Variants in DMD observed in about 807,000 individuals in gnomAD.
The protein encoded by DMD is dystrophin, also known as mutant dystrophin.
In DMD, 63 loss-of-function variants were observed where a neutral mutation model predicts 330.1. The observed-to-expected ratio is 0.19, with a 90% CI of 0.16 to 0.24. The LOEUF (loss-of-function observed/expected upper bound fraction) is 0.24. Ranked by LOEUF, DMD falls within the 10% of genes least tolerant of loss-of-function variation. The probability of loss-of-function intolerance (pLI) is 1.00; values close to 1 mark genes in which losing one functional copy is unlikely to be tolerated. For missense variants in DMD, 3,344 were observed against 2,684.1 expected (o/e 1.25, Z -5.43); for synonymous variants, 1,223 against 959.8 (o/e 1.27, Z -5.07).
At chrX:32,257,755 G>A (rs144783600) in intron 43 of DMD, among the ~76,000 whole-genome samples, 4 of 111,366 alleles carry the variant, frequency 3.6e-5, no homozygotes, top group African/African-American at 6.5e-5. Context: ...ACACAAGTAC[G>A]GGGAAAGACT....
chrX:31,830,557 G>A lies in DMD; in HGVS notation c.7200+6161C>T, dbSNP rs867594600. 2.3e-4 allele frequency among the ~76,000 whole-genome samples: 26 copies of A among 111,116 alleles called. 1 individual carries two copies. Among genetic ancestry groups the A allele is most frequent in the African/African-American group, 8.5e-4 (26 of 30,574 alleles). ...TGCGGTGAGCCGAGATCGCGCCACC[G>A]CACTCCAGCCTGGGCAACAAGAGCG... On this transcript the variant is annotated intron_variant, in intron 49 of 78. Coordinates refer to ENST00000357033, the MANE Select transcript of DMD (RefSeq NM_004006.3).
intron 41 of DMD, among the ~76,000 whole-genome samples, chrX:32,333,493 A>G (rs1392180788): frequency 1.8e-5 from 2 of 111,693 alleles, no homozygotes; most frequent in African/African-American, 6.5e-5. Flanking sequence ...AAGGAAATAC[A>G]GCAGTATTTA....
intron 1 of DMD, among the ~76,000 whole-genome samples, chrX:33,063,814 AG>A (rs1257427230): frequency 1.8e-5 from 2 of 110,786 alleles, no homozygotes; most frequent in Non-Finnish European, 3.8e-5. Flanking sequence ...TGAAAATTGC[AG>A]TCCTAGATGA....
chrX:31,875,255 A>G lies in DMD; in HGVS notation c.7031T>C (p.Leu2344Ser). Reference protein sequence around the residue: ...EEQLNHLLLWLSPIRNQLEIY... With the variant: ...EEQLNHLLLWSSPIRNQLEIY... ...TTCCAACTGATTCCTAATAGGAGAT[A>G]ACCACAGCAGCAGATGATTTAACTG... The change falls in exon 48 of 79, where the codon TTA becomes TCA. Residue 2344 changes from leucine (L) to serine (S), a missense_variant. Coordinates refer to ENST00000357033, the MANE Select transcript of DMD (RefSeq NM_004006.3). 8.3e-7 allele frequency: 1 copy of G among 1,208,208 alleles called. No individual in the cohort carries two copies. Among genetic ancestry groups the G allele is most frequent in the Non-Finnish European group, 1.1e-6 (1 of 893,461 alleles).
rs185876149 is a variant in DMD, at chrX:32,542,481, C to A, written c.2168+2678G>T. 2.7e-4 allele frequency among the ~76,000 whole-genome samples: 30 copies of A among 111,686 alleles called. No individual in the cohort carries two copies. The East Asian group carries it at 7.9e-3, about 29-fold the overall frequency. ...AAGAGATGGATCTGTGTGATACTCC[C>A]ATAGGAATAAGGCAGAAGGAATAAA... On this transcript the variant is annotated intron_variant, in intron 17 of 78. Transcript: ENST00000357033.
At chrX:31,661,948 T>C (rs1183979041) in intron 53 of DMD, among the ~76,000 whole-genome samples, 2 of 111,974 alleles carry the variant, frequency 1.8e-5, no homozygotes, top group African/African-American at 6.5e-5. Context: ...TGAGTATTTT[T>C]TTCTACTTTA....
At chrX:32,746,020 C>A (rs2069959807) in intron 7 of DMD, among the ~76,000 whole-genome samples, 1 of 112,018 alleles carries the variant, frequency 8.9e-6, no homozygotes, top group Admixed American at 9.5e-5. Flanking sequence ...GAAGTAACTA[C>A]CATTTTCACC....
At chrX:32,051,253 T>A (rs1479581386) in intron 44 of DMD, among the ~76,000 whole-genome samples, 1 of 110,807 alleles carries the variant, frequency 9.0e-6, no homozygotes, top group African/African-American at 3.3e-5. Context: ...TCTGTAATTA[T>A]GAAGAGACAA....
chrX:33,229,879 T>C (rs1216574561), intron 1 of DMD, among the ~76,000 whole-genome samples: 1 of 112,257 alleles, frequency 8.9e-6, no homozygotes, highest in Non-Finnish European at 1.9e-5. Context: ...CCATGTTGAG[T>C]ATTCCAATCC....
intron 47 of DMD, among the ~76,000 whole-genome samples, chrX:31,925,797 A>G (rs1232734963): frequency 1.9e-5 from 2 of 106,445 alleles, no homozygotes; most frequent in Admixed American, 1.0e-4. Flanking sequence ...GCTTGAACCC[A>G]GGAGACAGAG....
intron 67 of DMD, 84 bp from the exon 68 acceptor site, chrX:31,182,988 C>T (rs746638207): frequency 1.6e-5 from 13 of 809,753 alleles, no homozygotes; most frequent in African/African-American, 4.2e-5. Context: ...TATATCAGTT[C>T]GATTAATAAG....
chrX:33,024,541 T>A (rs1413330390), intron 1 of DMD, among the ~76,000 whole-genome samples: 1 of 112,307 alleles, frequency 8.9e-6, no homozygotes, highest in African/African-American at 3.2e-5. Context: ...ATAAAAATTG[T>A]ATTTCCTCTC....
rs145895305 is a variant in DMD at position 33,106,271 on chromosome X, G to T, written c.32-86071C>A. Among the ~76,000 whole-genome samples the T allele has an allele frequency of 2.2e-4, 24 of 110,547 alleles. No homozygotes were observed. In the East Asian group the frequency reaches 6.4e-3, roughly 29 times the overall value. On this transcript the variant is annotated intron_variant, in intron 1 of 78. Transcript: ENST00000357033. Reference sequence around the variant, plus strand: ...ATACAGAGTGATATAAGGGACTTCAGAGACTCAGAAGTGGAGGGGGTGGGA... The same window carrying T: ...ATACAGAGTGATATAAGGGACTTCATAGACTCAGAAGTGGAGGGGGTGGGA...
intron 7 of DMD, among the ~76,000 whole-genome samples, chrX:32,747,124 C>T (rs1369336878): frequency 1.8e-5 from 2 of 111,779 alleles, no homozygotes; most frequent in Admixed American, 9.5e-5. Flanking sequence ...AGGTTGATTC[C>T]GTATCTCAAC....
At position 32,521,545 on chromosome X, in the gene DMD, G is replaced by A. The variant is rs1280040818; in HGVS notation, c.2169-3414C>T. Among the ~76,000 whole-genome samples the A allele has an allele frequency of 8.9e-5, 10 of 111,869 alleles. No homozygotes were observed. In the Admixed American group the frequency reaches 9.5e-4, roughly 11 times the overall value. On this transcript the variant is annotated intron_variant, in intron 17 of 78. Transcript: ENST00000357033. ...CACATCAGTCATCATGCCTTGAATT[G>A]CAATCTATTTATCAATGATTCTGAT...
chrX:32,007,855 A>G (rs1205605267), intron 44 of DMD, among the ~76,000 whole-genome samples: 2 of 111,815 alleles, frequency 1.8e-5, no homozygotes, highest in African/African-American at 6.5e-5. Context: ...TATTCAGCTA[A>G]CAGTAAAGTC....
intron 2 of DMD, among the ~76,000 whole-genome samples, chrX:33,009,130 A>G (rs868443766): frequency 6.3e-5 from 2 of 31,612 alleles, no homozygotes; most frequent in African/African-American, 1.3e-4. Context: ...ATACGTATAT[A>G]TGTATATATA....
chrX:31,947,250 C>T (rs752917643), intron 45 of DMD, among the ~76,000 whole-genome samples: 4 of 111,275 alleles, frequency 3.6e-5, no homozygotes, highest in Non-Finnish European at 5.7e-5. Flanking sequence ...CTCAGCCTCC[C>T]GAGCATCTAG....
At chrX:31,214,938 T>TTTTTTTC (rs2148640997) in intron 64 of DMD, among the ~76,000 whole-genome samples, 1 of 24,062 alleles carries the variant, frequency 4.2e-5, no homozygotes, top group African/African-American at 1.9e-4. Flanking sequence ...TTCTTTTTTC[T>TTTTTTTC]TTTTTTTTTT....
Sources: allele counts gnomAD v4.1 joint callset (sites outside exome capture counted in the v4.1 genomes callset), GRCh38; gene constraint gnomAD v4.1.1; transcripts MANE v1.5; gene names NCBI Gene and HGNC (gene_info 2026-07-23, HGNC 2026-07-21).